The following LPP variants were observed in gnomAD, a reference collection of about 807,000 sequenced individuals.
The protein encoded by LPP is LIM domain containing preferred translocation partner in lipoma.
Under a neutral mutation model 60.4 loss-of-function variants are expected in LPP, and 38 were observed. The observed-to-expected ratio is 0.63, with a 90% CI of 0.49 to 0.83. LPP has a LOEUF of 0.83. Among genes scored for constraint, LPP ranks in the 40% least tolerant of loss-of-function variants. LPP has a pLI of 0.00. For missense variants in LPP, 902 were observed against 783.6 expected (o/e 1.15, Z -1.80); for synonymous variants, 328 against 290.8 (o/e 1.13, Z -1.30).
At chr3:188,474,542 G>A (rs1464818286) in intron 4 of LPP, among the ~76,000 whole-genome samples, 1 of 152,202 alleles carries the variant, frequency 6.6e-6, no homozygotes, top group East Asian at 1.9e-4. Context: ...TGGAGGGGTT[G>A]TAAGCTTCTG....
In LPP at chr3:188,874,387, G is replaced by A; in HGVS notation, c.1747G>A (p.Gly583Ser). 1 of 1,614,082 alleles carries A rather than the reference G, an allele frequency of 6.2e-7. No homozygotes were observed. The highest frequency in any genetic ancestry group is 1.3e-5 in the African/African-American group (1 of 75,038). ...TCTCCTGTCTGAAGGAGATAACCAA[G>A]GCTGCTACCCCTTGGATGGGCACAT... ...GGLLSEGDNQ[G>S]CYPLDGHILC... is the part of the protein sequence containing the mutation. The change falls in exon 12 of 12, where the codon GGC becomes AGC. Residue 583 changes from glycine (G) to serine (S), a missense_variant. Gly to Ser is a moderately conservative substitution (Grantham distance 56). Transcript: ENST00000617246.
At position 188,800,308 on chromosome 3, in the gene LPP, C is replaced by T. The variant is rs370419074; in HGVS notation, c.1410+40026C>T. Among the ~76,000 whole-genome samples the T allele has an allele frequency of 8.6e-4, 121 of 140,686 alleles. 1 individual carries two copies. The highest frequency in any genetic ancestry group is 4.7e-3 in the South Asian group (21 of 4,448). 92.3% of individuals were successfully genotyped at this position (140,686 alleles called of 152,430 possible). ...TCGCTCAGGCTGGGGTGCAGTGGCG[C>T]GATCTCAGCTCACTGCAAGCTCCAC... On this transcript the variant is annotated intron_variant, in intron 9 of 11. Coordinates refer to ENST00000617246, the MANE Select transcript of LPP (RefSeq NM_001375462.1).
At chr3:188,391,437 T>C (rs1344585976) in intron 3 of LPP, among the ~76,000 whole-genome samples, 1 of 152,194 alleles carries the variant, frequency 6.6e-6, no homozygotes, top group East Asian at 1.9e-4. Flanking sequence ...TGATAAAATA[T>C]CATTATTGCC....
chr3:188,595,809 C>G (rs928548751), intron 6 of LPP, among the ~76,000 whole-genome samples: 1 of 152,120 alleles, frequency 6.6e-6, no homozygotes, highest in South Asian at 2.1e-4. Flanking sequence ...CTGCCCTTCA[C>G]CTATGGGATT....
intron 4 of LPP, among the ~76,000 whole-genome samples, chr3:188,426,707 T>C (rs900135164): frequency 2.0e-5 from 3 of 152,222 alleles, no homozygotes; most frequent in Non-Finnish European, 4.4e-5. Flanking sequence ...CATTATATAA[T>C]GGCCTTCTTT....
At chr3:188,652,393 A>T (rs1415244006) in intron 7 of LPP, among the ~76,000 whole-genome samples, 1 of 151,998 alleles carries the variant, frequency 6.6e-6, no homozygotes, top group East Asian at 1.9e-4. Context: ...ACCAGCCTAT[A>T]GATCCTCTGT....
chr3:188,757,008 G>A (rs773440948), intron 8 of LPP, among the ~76,000 whole-genome samples: 1 of 152,170 alleles, frequency 6.6e-6, no homozygotes, highest in Non-Finnish European at 1.5e-5. Context: ...CTCTCCGTGA[G>A]GGAAAACTAG....
At chr3:188,755,809 C>CAAAAAAAA (rs58696911) in intron 8 of LPP, among the ~76,000 whole-genome samples, 5 of 73,994 alleles carry the variant, frequency 6.8e-5, no homozygotes, top group Non-Finnish European at 1.4e-4. Flanking sequence ...GATCCTGTCA[C>CAAAAAAAA]AAAAAAAAAA....
At chr3:188,158,003 T>C (rs1349182907) in intron 1 of LPP, among the ~76,000 whole-genome samples, 1 of 152,108 alleles carries the variant, frequency 6.6e-6, no homozygotes. Flanking sequence ...TACTTTTTAA[T>C]AAGTAAGGTT....
intron 5 of LPP, among the ~76,000 whole-genome samples, chr3:188,506,820 T>C (rs1042798169): frequency 6.6e-6 from 1 of 152,154 alleles, no homozygotes; most frequent in South Asian, 2.1e-4. Flanking sequence ...TTTTTTGAGA[T>C]GGAGTCTTGC....
intron 1 of LPP, among the ~76,000 whole-genome samples, chr3:188,192,912 C>T (rs1728572172): frequency 6.6e-6 from 1 of 152,178 alleles, no homozygotes; most frequent in Admixed American, 6.5e-5. Context: ...TACTGCTTTC[C>T]AATACCTTCA....
At chr3:188,496,816 A>C (rs1288757143) in intron 5 of LPP, among the ~76,000 whole-genome samples, 1 of 152,330 alleles carries the variant, frequency 6.6e-6, no homozygotes, top group Non-Finnish European at 1.5e-5. Flanking sequence ...ATCTCTACAT[A>C]TTGGAAGAAA....
intron 7 of LPP, among the ~76,000 whole-genome samples, chr3:188,664,601 A>G (rs938247405): frequency 2.0e-5 from 3 of 150,804 alleles, no homozygotes; most frequent in Admixed American, 1.3e-4. Context: ...ATATATGTGT[A>G]TGTGTGTGTG....
At chr3:188,323,395 C>T (rs996667599) in intron 2 of LPP, among the ~76,000 whole-genome samples, 9 of 152,134 alleles carry the variant, frequency 5.9e-5, no homozygotes, top group African/African-American at 2.4e-5. Flanking sequence ...TATCTACTAC[C>T]GTTCACCATG....
rs73056780 is a variant in LPP, at chr3:188,664,329, G to A, written c.1114-43938G>A. ...GATGTGTTTCTTACTGGTTCATTTC[G>A]GCATGCCGCTAAATGTGTAAAACCT... On this transcript the variant is annotated intron_variant, in intron 7 of 11. Transcript: ENST00000617246. 9.2e-3 allele frequency among the ~76,000 whole-genome samples: 1,399 copies of A among 152,074 alleles called. 28 individuals are homozygous for A. Among genetic ancestry groups the A allele is most frequent in the African/African-American group, 0.032 (1,343 of 41,484 alleles).
intron 1 of LPP, among the ~76,000 whole-genome samples, chr3:188,207,010 A>G (rs753248437): frequency 6.6e-6 from 1 of 152,166 alleles, no homozygotes; most frequent in Non-Finnish European, 1.5e-5. Context: ...TCTTAAACTC[A>G]TCAATGGTAT....
At chr3:188,211,813 C>T (rs1734771499) in intron 1 of LPP, among the ~76,000 whole-genome samples, 1 of 148,826 alleles carries the variant, frequency 6.7e-6, no homozygotes, top group Admixed American at 6.7e-5. Context: ...GCGTGAGAGA[C>T]TTGGGGCTGT....
chr3:188,800,879 T>C (rs1160497315), intron 9 of LPP, among the ~76,000 whole-genome samples: 1 of 152,168 alleles, frequency 6.6e-6, no homozygotes, highest in African/African-American at 2.4e-5. Context: ...GTTTTGTTTC[T>C]TTTTGGTTTG....
At chr3:188,288,186 CTTTGGAAAA>C (rs967928273) in intron 2 of LPP, among the ~76,000 whole-genome samples, 2 of 152,204 alleles carry the variant, frequency 1.3e-5, no homozygotes, top group African/African-American at 4.8e-5. Context: ...AGCATTGCCT[CTTTGGAAAA>C]TTGTCCACAT....
Sources: allele counts gnomAD v4.1 joint callset (sites outside exome capture counted in the v4.1 genomes callset), GRCh38; gene constraint gnomAD v4.1.1; transcripts MANE v1.5; gene names NCBI Gene and HGNC (gene_info 2026-07-23, HGNC 2026-07-21).